The following SUGCT variants were observed in gnomAD, a reference collection of about 807,000 sequenced individuals.
The protein encoded by SUGCT is succinyl-CoA:glutarate CoA-transferase.
A neutral mutation model predicts 55.0 loss-of-function variants in SUGCT; 41 were observed. That is an observed-to-expected ratio of 0.74 (90% CI 0.58 to 0.97). SUGCT has a LOEUF of 0.97. Among genes scored for constraint, SUGCT ranks in the 50% least tolerant of loss-of-function variants. SUGCT has a pLI of 0.00. For synonymous variants in SUGCT, 187 were observed against 200.4 expected (o/e 0.93, Z 0.56); for missense variants, 568 against 547.8 (o/e 1.04, Z -0.37).
intron 12 of SUGCT, among the ~76,000 whole-genome samples, chr7:40,694,871 G>A (rs892913790): frequency 6.6e-6 from 1 of 152,136 alleles, no homozygotes; most frequent in Non-Finnish European, 1.5e-5. Context: ...AGTACTGAAA[G>A]AATTTACACC....
intron 12 of SUGCT, among the ~76,000 whole-genome samples, chr7:40,500,092 C>T (rs1792198521): frequency 6.6e-6 from 1 of 152,166 alleles, no homozygotes; most frequent in Non-Finnish European, 1.5e-5. Context: ...TGCTTTCAGG[C>T]TTTGCTTAAG....
At chr7:40,607,300 C>T (rs1447854687) in intron 12 of SUGCT, among the ~76,000 whole-genome samples, 4 of 152,186 alleles carry the variant, frequency 2.6e-5, no homozygotes, top group Admixed American at 1.3e-4. Context: ...GACAGGGTCT[C>T]ACTATATTGC....
intron 12 of SUGCT, among the ~76,000 whole-genome samples, chr7:40,654,936 A>G (rs1269692376): frequency 6.6e-6 from 1 of 152,232 alleles, no homozygotes; most frequent in Non-Finnish European, 1.5e-5. Context: ...ATTTCATGAA[A>G]TATATTATAA....
intron 1 of SUGCT, among the ~76,000 whole-genome samples, chr7:40,177,474 G>A (rs990281688): frequency 6.6e-6 from 1 of 152,042 alleles, no homozygotes; most frequent in Admixed American, 6.6e-5. Flanking sequence ...ATTTTTCCTT[G>A]CTAAATTAAA....
chr7:40,382,015 CTGTGTGTG>C (rs949063743), intron 9 of SUGCT, among the ~76,000 whole-genome samples: 1 of 146,518 alleles, frequency 6.8e-6, no homozygotes, highest in Non-Finnish European at 1.5e-5. Flanking sequence ...GTGTGTGTGT[CTGTGTGTG>C]TGTGTGTGTG....
chr7:40,665,431 A>AT (rs1801568305), intron 12 of SUGCT, among the ~76,000 whole-genome samples: 1 of 141,902 alleles, frequency 7.0e-6, no homozygotes, highest in South Asian at 2.3e-4. Flanking sequence ...CTCTATCTCA[A>AT]AAAATAAATA....
At chr7:40,726,174 C>T (rs1786602597) in intron 12 of SUGCT, among the ~76,000 whole-genome samples, 2 of 152,136 alleles carry the variant, frequency 1.3e-5, no homozygotes, top group African/African-American at 4.8e-5. Context: ...CGTTGTATTA[C>T]TTGGAGTCCC....
At chr7:40,199,980 C>T (rs1562571511) in intron 6 of SUGCT, among the ~76,000 whole-genome samples, 1 of 151,970 alleles carries the variant, frequency 6.6e-6, no homozygotes, top group Admixed American at 6.6e-5. Flanking sequence ...GAATGATTAA[C>T]CCTGGGGAGT....
rs1792175765 is a variant in SUGCT, at chr7:40,824,071, CAGA to C, written c.1154-36242_1154-36240del. ...GCAACAATTTAGGGAAAGTGGAAGT[CAGA>C]AGGAGAGAAAATGACAGTGAGCAGT... On this transcript the variant is annotated intron_variant, in intron 13 of 13. Transcript: ENST00000335693. Among the ~76,000 whole-genome samples, 2 of 152,048 alleles carry C rather than the reference CAGA, an allele frequency of 1.3e-5. 1 individual carries two copies. Among genetic ancestry groups the C allele is most frequent in the Admixed American group, 1.3e-4 (2 of 15,240 alleles).
At chr7:40,272,063 G>GTCTCTCTCTC (rs1235672821) in intron 7 of SUGCT, among the ~76,000 whole-genome samples, 2 of 70,788 alleles carry the variant, frequency 2.8e-5, no homozygotes, top group African/African-American at 1.1e-4. Context: ...CTCTCTCTCT[G>GTCTCTCTCTC]TCTCGCTCTC....
chr7:40,280,200 T>C (rs986355653), intron 8 of SUGCT, among the ~76,000 whole-genome samples: 12 of 152,156 alleles, frequency 7.9e-5, no homozygotes, highest in Non-Finnish European at 1.2e-4. Context: ...CAGGATGTGG[T>C]TTGTAGTGGG....
intron 12 of SUGCT, among the ~76,000 whole-genome samples, chr7:40,690,751 A>T (rs544636684): frequency 2.4e-4 from 36 of 151,770 alleles, no homozygotes; most frequent in Non-Finnish European, 4.9e-4. Context: ...TAATTTTTGT[A>T]TTTTTTTGTA....
intron 6 of SUGCT, among the ~76,000 whole-genome samples, chr7:40,228,357 C>T (rs762842416): frequency 1.3e-5 from 2 of 151,900 alleles, no homozygotes; most frequent in African/African-American, 2.4e-5. Context: ...ATTTATAGTT[C>T]CTTCTCAGTC....
chr7:40,877,886 A>G, the SUGCT span, among the ~76,000 whole-genome samples: 1 of 152,232 alleles, frequency 6.6e-6, no homozygotes. Context: ...AGACATGATG[A>G]AAACACCAAA....
chr7:40,384,662 G>T (rs1041489886), intron 9 of SUGCT, among the ~76,000 whole-genome samples: 1 of 151,862 alleles, frequency 6.6e-6, no homozygotes, highest in South Asian at 2.1e-4. Flanking sequence ...TCCTGCCTTA[G>T]CCTCCCAAGC....
chr7:40,853,784 TTATA>T (rs1793980608), intron 13 of SUGCT, among the ~76,000 whole-genome samples: 5 of 152,210 alleles, frequency 3.3e-5, no homozygotes, highest in African/African-American at 9.6e-5. Flanking sequence ...AATTTCTTCC[TTATA>T]TAAATTGAAA....
rs192912618 is a variant in SUGCT at position 40,690,663 on chromosome 7, G to A, written c.1090-58771G>A. Among the ~76,000 whole-genome samples, 37 of 151,920 alleles carry A rather than the reference G, an allele frequency of 2.4e-4. No individual in the cohort carries two copies. In the East Asian group the frequency reaches 5.2e-3, roughly 22 times the overall value. The stretch of plus-strand genomic sequence containing the variant: ...GCTTACTGCAACCTCTGACCTCCTC[G>A]GCTCAGATGATCTTCCCACCTCAGC... On this transcript the variant is annotated intron_variant, in intron 12 of 13. Transcript: ENST00000335693.
chr7:40,260,056 A>C (rs190743903), intron 7 of SUGCT, among the ~76,000 whole-genome samples: 21 of 152,350 alleles, frequency 1.4e-4, no homozygotes, highest in Non-Finnish European at 2.8e-4. Context: ...TGGATTAAAC[A>C]TCCTTAATGT....
chr7:40,194,022 G>A (rs896161919), intron 5 of SUGCT, among the ~76,000 whole-genome samples: 2 of 152,006 alleles, frequency 1.3e-5, no homozygotes, highest in Admixed American at 6.6e-5. Context: ...TCTAATTCCC[G>A]TAACAGCGGT....
Sources: allele counts gnomAD v4.1 joint callset (sites outside exome capture counted in the v4.1 genomes callset), GRCh38; gene constraint gnomAD v4.1.1; transcripts MANE v1.5; gene names NCBI Gene and HGNC (gene_info 2026-07-23, HGNC 2026-07-21).